Variants in MYO5C observed in about 807,000 individuals in gnomAD.
MYO5C encodes myosin VC.
MYO5C carries 194 observed loss-of-function variants against 235.7 expected under a neutral mutation model. The ratio of observed to expected loss-of-function variants is 0.82; its 90% CI spans 0.73 to 0.93. MYO5C has a LOEUF of 0.93. Among genes scored for constraint, MYO5C ranks in the 40% least tolerant of loss-of-function variants. The pLI is 0.00. For synonymous variants in MYO5C, 707 were observed against 754.8 expected, an observed-to-expected ratio of 0.94 and a Z score of 1.04; for missense variants, 2,038 against 2,127.2, an observed-to-expected ratio of 0.96 and a Z score of 0.82.
At position 52,223,711 on chromosome 15, in the gene MYO5C, G is replaced by A; in HGVS notation, c.3460C>T (p.His1154Tyr). 1.2e-6 allele frequency: 2 copies of A among 1,613,824 alleles called. No individual in the cohort carries two copies. Among genetic ancestry groups the A allele is most frequent in the East Asian group, 2.2e-5 (1 of 44,880 alleles). The change falls in exon 29 of 41, where the codon CAT (histidine) becomes TAT (tyrosine). Residue 1154 changes from histidine to tyrosine, a missense_variant. His to Tyr is a moderately conservative substitution (Grantham distance 83). Transcript: ENST00000261839. The stretch of plus-strand genomic sequence containing the variant: ...TAGCAATCCTTCTGAGACTGGAAAT[G>A]GCTCTCCAAAACACTATTAAAGGAG... ...LKKATRVLES[H>Y]FQSQKDCYEK...
chr15:52,242,781 T>C (rs1041527786), intron 19 of MYO5C: 1 of 152,318 alleles, frequency 6.6e-6, no homozygotes, highest in Non-Finnish European at 1.5e-5. Flanking sequence ...ACAGTTATTC[T>C]GCTTGGGGAA....
intron 23 of MYO5C, among the ~76,000 whole-genome samples, chr15:52,234,240 C>T (rs2036029382): frequency 6.6e-6 from 1 of 152,212 alleles, no homozygotes; most frequent in Non-Finnish European, 1.5e-5. Context: ...CATTTGATAG[C>T]ATCCCTGGGT....
At position 52,275,563 on chromosome 15, in the gene MYO5C, T is replaced by G. The variant is rs945382386; in HGVS notation, c.605A>C (p.Glu202Ala). 1.2e-6 allele frequency: 2 copies of G among 1,614,014 alleles called. No individual in the cohort carries two copies. Among genetic ancestry groups the G allele is most frequent in the Admixed American group, 1.7e-5 (1 of 59,996 alleles). The change falls in exon 5 of 41, where the codon GAG (glutamate) becomes GCG (alanine). Residue 202 changes from glutamate (E) to alanine (A), a missense_variant and splice_region_variant. Coordinates refer to ENST00000261839, the MANE Select transcript of MYO5C (RefSeq NM_018728.4). ...GCTGCCTTCCGCAGTGGTACGCACC[T>G]CGGTGATGGGATTGGATGCCAGGAC... ...DKVLASNPIT[E>A]AVGNAKTTRN... is the part of the protein sequence containing the mutation.
At chr15:52,204,788 A>T in intron 38 of MYO5C, 77 bp downstream of exon 38, 3 of 1,511,018 alleles carry the variant, frequency 2.0e-6, no homozygotes, top group South Asian at 2.5e-5. Context: ...AGGGAGGGTC[A>T]GGCGCGTGGG....
intron 4 of MYO5C, among the ~76,000 whole-genome samples, chr15:52,276,019 G>C (rs569612966): frequency 3.4e-4 from 52 of 152,186 alleles, no homozygotes; most frequent in African/African-American, 1.1e-3. Context: ...TCTCTGGGCA[G>C]GATTTTTGCT....
intron 36 of MYO5C, 57 bp from the exon 37 acceptor site, chr15:52,206,023 T>G: frequency 9.2e-7 from 1 of 1,088,840 alleles, no homozygotes; most frequent in Non-Finnish European, 1.3e-6. Flanking sequence ...AGGAAATTAA[T>G]AATCAGCTAC....
chr15:52,272,667 G>A lies in MYO5C; in HGVS notation c.663C>T (p.Tyr221=), dbSNP rs962138586. 6.2e-6 allele frequency: 10 copies of A among 1,614,104 alleles called. No individual in the cohort carries two copies. The highest frequency in any genetic ancestry group is 8.5e-6 in the Non-Finnish European group (10 of 1,179,968). ...TTTGTTCATCAAAACTGATTTCTGT[G>A]TATTTCCCAAACCGACTACTATTGT... The part of the protein sequence containing the change: ...RNDNSSRFGK[Y]TEISFDEQNQ... Residue 221 remains tyrosine (Y), a synonymous_variant, in exon 6 of 41, where the codon TAC becomes TAT. Transcript: ENST00000261839.
chr15:52,205,188 C>T (rs762545176), intron 37 of MYO5C, 41 bp from the exon 38 acceptor site: 3 of 1,600,054 alleles, frequency 1.9e-6, no homozygotes, highest in Admixed American at 3.4e-5. Context: ...CGCCAGGAGA[C>T]ACACGCGGAA....
At chr15:52,195,524 T>G (rs2035026483) in intron 39 of MYO5C, 67 bp from the exon 40 acceptor site, 6 of 1,161,090 alleles carry the variant, frequency 5.2e-6, no homozygotes, top group Admixed American at 2.4e-5. Flanking sequence ...AAATAATGGT[T>G]CTGGTTATTG....
intron 1 of MYO5C, among the ~76,000 whole-genome samples, chr15:52,293,559 T>G (rs2037438514): frequency 6.6e-6 from 1 of 152,042 alleles, no homozygotes; most frequent in African/African-American, 2.4e-5. Context: ...ACATCCTTAA[T>G]TCACTCAAGG....
intron 1 of MYO5C, among the ~76,000 whole-genome samples, chr15:52,293,402 A>T (rs2037434202): frequency 6.6e-6 from 1 of 152,158 alleles, no homozygotes; most frequent in South Asian, 2.1e-4. Context: ...ACCTCTGGGC[A>T]GAAGACCCTC....
At chr15:52,238,539 G>A (rs1241975305) in intron 21 of MYO5C, among the ~76,000 whole-genome samples, 4 of 152,222 alleles carry the variant, frequency 2.6e-5, no homozygotes, top group Non-Finnish European at 5.9e-5. Flanking sequence ...CAGAATTAGT[G>A]GAGACAGGCC....
chr15:52,231,838 A>G (rs914680947), intron 24 of MYO5C, among the ~76,000 whole-genome samples: 2 of 152,200 alleles, frequency 1.3e-5, no homozygotes, highest in African/African-American at 2.4e-5. Context: ...CCCAGATTGG[A>G]GTCCTTGGAG....
chr15:52,282,766 C>G lies in MYO5C; in HGVS notation c.138+16G>C, dbSNP rs750917024. On this transcript the variant is annotated intron_variant, in intron 2 of 40. Transcript: ENST00000261839. Reference sequence around the variant, plus strand: ...CTTTACACATCGACGTAGCTGTGAACAGCAAGGACCCTCACCGTTCCATCC... The same window carrying G: ...CTTTACACATCGACGTAGCTGTGAAGAGCAAGGACCCTCACCGTTCCATCC... 7.1e-6 allele frequency: 11 copies of G among 1,549,114 alleles called. No individual in the cohort carries two copies. The South Asian group carries it at 1.2e-4, about 17-fold the overall frequency.
Position 52,204,975 on chromosome 15 carries a change from C to A in MYO5C, c.4710G>T (p.Glu1570Asp). 6.2e-7 allele frequency: 1 copy of A among 1,614,240 alleles called. No individual in the cohort carries two copies. The highest frequency in any genetic ancestry group is 1.1e-5 in the South Asian group (1 of 91,086). ...GCTGCTTCACCGCCTGCCTCACAAGCTCGGGGTCCAGGCCGTTCTGGCACA... is the reference window on the plus strand; with the variant it reads ...GCTGCTTCACCGCCTGCCTCACAAGATCGGGGTCCAGGCCGTTCTGGCACA... ...TTMCQNGLDP[E>D]LVRQAVKQLF... Residue 1570 changes from glutamate to aspartate, a missense_variant, in exon 38 of 41, where the codon GAG becomes GAT. Transcript: ENST00000261839.
chr15:52,261,544 C>G (rs2036694994), intron 9 of MYO5C, among the ~76,000 whole-genome samples: 1 of 152,210 alleles, frequency 6.6e-6, no homozygotes, highest in African/African-American at 2.4e-5. Context: ...CCCTGCCCCA[C>G]CTCGTGTGGC....
chr15:52,227,234 A>G (rs1413377169), intron 25 of MYO5C, among the ~76,000 whole-genome samples: 1 of 123,576 alleles, frequency 8.1e-6, no homozygotes, highest in African/African-American at 3.1e-5. Flanking sequence ...TCACTCTGTC[A>G]CCCAGGCTGG....
At position 52,272,649 on chromosome 15, in the gene MYO5C, A is replaced by G. The variant is rs758632269; in HGVS notation, c.681T>C (p.Asp227=). 1.1e-4 allele frequency: 185 copies of G among 1,614,060 alleles called. No homozygotes were observed. The highest frequency in any genetic ancestry group is 2.7e-4 in the Admixed American group (16 of 60,010). The change falls in exon 6 of 41, where the codon GAT becomes GAC. Residue 227 remains aspartate, a synonymous_variant. Transcript: ENST00000261839. ...RFGKYTEISF[D]EQNQIIGANM... ...TGGCTCCTATAATTTGATTTTGTTC[A>G]TCAAAACTGATTTCTGTGTATTTCC... is the stretch of plus-strand genomic sequence containing the variant.
chr15:52,266,241 T>C (rs2036808878), intron 8 of MYO5C, among the ~76,000 whole-genome samples: 1 of 152,062 alleles, frequency 6.6e-6, no homozygotes, highest in Non-Finnish European at 1.5e-5. Flanking sequence ...ACAAAAGCAA[T>C]GCCAGCCTGA....
Sources: gnomAD v4.1 joint callset for allele counts (sites outside exome capture counted in the v4.1 genomes callset) on GRCh38, gnomAD v4.1.1 for gene constraint, MANE v1.5 for transcripts, NCBI Gene and HGNC (gene_info 2026-07-23, HGNC 2026-07-21) for gene names.